Variants in SLA2 observed in about 807,000 individuals in gnomAD.
SLA2 encodes the protein Src like adaptor 2.
Under a neutral mutation model 27.3 loss-of-function variants are expected in SLA2, and 22 were observed. That is an observed-to-expected ratio of 0.81 (90% CI 0.58 to 1.15). The LOEUF is 1.15. Ranked by LOEUF, SLA2 falls within the 50% of genes most tolerant of loss-of-function variation. The pLI is 0.00. For missense variants in SLA2, 304 were observed against 322.2 expected, an observed-to-expected ratio of 0.94 and a Z score of 0.43; for synonymous variants, 131 against 137.8, an observed-to-expected ratio of 0.95 and a Z score of 0.34.
At chr20:36,643,453 G>A (rs1978285235) in intron 1 of SLA2, among the ~76,000 whole-genome samples, 1 of 152,200 alleles carries the variant, frequency 6.6e-6, no homozygotes, top group African/African-American at 2.4e-5. Flanking sequence ...TTACTCTGGA[G>A]GAGATCACTG....
At chr20:36,640,457 C>G (rs2039495049) in intron 2 of SLA2, among the ~76,000 whole-genome samples, 1 of 151,078 alleles carries the variant, frequency 6.6e-6, no homozygotes, top group Admixed American at 6.6e-5. Context: ...TGGTCACTTA[C>G]TACGTGTGCT....
At chr20:36,640,002 C>T (rs1322708239) in intron 2 of SLA2, among the ~76,000 whole-genome samples, 4 of 152,000 alleles carry the variant, frequency 2.6e-5, no homozygotes, top group Admixed American at 1.3e-4. Flanking sequence ...GCTATTTTTC[C>T]ACCATTAAGA....
intron 1 of SLA2, among the ~76,000 whole-genome samples, chr20:36,645,327 G>A (rs1423729947): frequency 1.3e-5 from 2 of 151,574 alleles, no homozygotes; most frequent in Non-Finnish European, 2.9e-5. Flanking sequence ...TAATTACGCC[G>A]CTGCACTCCA....
rs1214203521 is a variant in SLA2, at chr20:36,635,326, G to T, written c.92-737C>A. Among the ~76,000 whole-genome samples, 3 of 150,666 alleles carry T rather than the reference G, an allele frequency of 2.0e-5. No individual in the cohort carries two copies. The Admixed American group carries it at 2.0e-4, about 10-fold the overall frequency. ...CTTAGCACATAAACACATTAAGTAG[G>T]AGAAGCAGCCAGGGTCAGCAAGAAG... On this transcript the variant is annotated intron_variant, in intron 2 of 7. Coordinates refer to ENST00000262866, the MANE Select transcript of SLA2 (RefSeq NM_032214.4).
At chr20:36,639,396 T>TACACACACACAC (rs72401143) in intron 2 of SLA2, among the ~76,000 whole-genome samples, 1 of 146,742 alleles carries the variant, frequency 6.8e-6, no homozygotes, top group Admixed American at 6.9e-5. Flanking sequence ...AAAAAATCTC[T>TACACACACACAC]ACACACACAC....
chr20:36,632,151 A>G (rs1173984403), intron 5 of SLA2, among the ~76,000 whole-genome samples: 1 of 152,094 alleles, frequency 6.6e-6, no homozygotes, highest in Non-Finnish European at 1.5e-5. Context: ...GCCTTGGGAG[A>G]AAACCAAAGC....
chr20:36,625,942 T>C (rs899979513), intron 5 of SLA2, among the ~76,000 whole-genome samples: 5 of 150,810 alleles, frequency 3.3e-5, no homozygotes, highest in Non-Finnish European at 7.4e-5. Context: ...CTGGGCAACA[T>C]GGCCAAACCC....
intron 5 of SLA2, among the ~76,000 whole-genome samples, chr20:36,630,828 C>A (rs1207464488): frequency 6.6e-6 from 1 of 152,142 alleles, no homozygotes; most frequent in Non-Finnish European, 1.5e-5. Flanking sequence ...TTGCAAAAGA[C>A]CCTGCACCTG....
chr20:36,620,448 T>C, intron 5 of SLA2: 2 of 230,402 alleles, frequency 8.7e-6, no homozygotes, highest in South Asian at 5.6e-5. Flanking sequence ...CTGAAAAGTA[T>C]GGCAAGATTA....
At chr20:36,620,338 G>A (rs8113986) in intron 5 of SLA2, 5 of 155,872 alleles carry the variant, frequency 3.2e-5, no homozygotes, top group Admixed American at 1.3e-4. Flanking sequence ...CCGAGATTGC[G>A]CCACTGTACT....
At chr20:36,630,191 T>C (rs2039379938) in intron 5 of SLA2, among the ~76,000 whole-genome samples, 1 of 152,188 alleles carries the variant, frequency 6.6e-6, no homozygotes, top group Admixed American at 6.5e-5. Flanking sequence ...GGTTTCCTGT[T>C]TGCAGCTGCT....
chr20:36,618,765 G>T (rs2039243732), intron 5 of SLA2, among the ~76,000 whole-genome samples: 1 of 151,568 alleles, frequency 6.6e-6, no homozygotes, highest in South Asian at 2.1e-4. Flanking sequence ...AATTAGCTAG[G>T]TATGGTGGCA....
At chr20:36,621,453 T>A (rs6065130) in intron 5 of SLA2, 2 of 426,974 alleles carry the variant, frequency 4.7e-6, no homozygotes, top group East Asian at 5.8e-5. Context: ...TAGTGTTGTT[T>A]TTTTTTTGAG....
At chr20:36,636,337 C>T (rs1263566420) in intron 2 of SLA2, among the ~76,000 whole-genome samples, 2 of 147,176 alleles carry the variant, frequency 1.4e-5, no homozygotes, top group East Asian at 2.0e-4. Context: ...AGGAGAATGG[C>T]GTGAACCCGG....
intron 5 of SLA2, among the ~76,000 whole-genome samples, chr20:36,618,066 G>A (rs2039235436): frequency 6.7e-6 from 1 of 149,862 alleles, no homozygotes; most frequent in East Asian, 2.0e-4. Context: ...AGAATGGCGT[G>A]AACCCAGGAG....
chr20:36,624,034 A>C (rs779681289), intron 5 of SLA2, among the ~76,000 whole-genome samples: 2 of 152,128 alleles, frequency 1.3e-5, no homozygotes, highest in Non-Finnish European at 2.9e-5. Flanking sequence ...TGGTGGTCTC[A>C]GGGATAAAGA....
rs1314711233 is a variant in SLA2, at chr20:36,613,225, AAAG to A, written c.*638_*640del. On this transcript the variant is annotated 3_prime_UTR_variant, in exon 8 of 8. Transcript: ENST00000262866. ...ACAGGGCAAGACTCCGTCTCAAAAA[AAAG>A]AAAAAGAGCTGGGGCTGTTGTCCTC... 3 of 152,458 alleles carry A rather than the reference AAAG, an allele frequency of 2.0e-5. No homozygotes were observed. The South Asian group carries it at 6.2e-4, about 32-fold the overall frequency. The allele number at this position is 152,458 out of a possible 1,614,324, so 9.4% of individuals were successfully genotyped here.
Position 36,641,353 on chromosome 20 carries a change from C to T in SLA2, c.-18G>A. The T allele has an allele frequency of 6.2e-7, 1 of 1,605,240 alleles. No individual in the cohort carries two copies. Among genetic ancestry groups the T allele is most frequent in the Non-Finnish European group, 8.5e-7 (1 of 1,172,072 alleles). The stretch of plus-strand genomic sequence containing the variant: ...CTTCCCATTGTTCCTCAGCAGAGCA[C>T]TCAGAAGCACATCATCGAGGGAAAT... On this transcript the variant is annotated 5_prime_UTR_variant, in exon 2 of 8. The change creates a new upstream start codon in the 5' untranslated region. Coordinates refer to ENST00000262866, the MANE Select transcript of SLA2 (RefSeq NM_032214.4).
rs1001976873 is a variant in SLA2 at position 36,641,715 on chromosome 20, G to T, written c.-43-337C>A. Among the ~76,000 whole-genome samples, 7 of 152,002 alleles carry T rather than the reference G, an allele frequency of 4.6e-5. No individual in the cohort carries two copies. The East Asian group carries it at 1.4e-3, about 29-fold the overall frequency. On this transcript the variant is annotated intron_variant, in intron 1 of 7. Transcript: ENST00000262866. ...TCCCCAGGAAGCCTCCCAGCCCCTAGCCTTTGTTGATCACTCCTTTGAATT... is the reference window on the plus strand; with the variant it reads ...TCCCCAGGAAGCCTCCCAGCCCCTATCCTTTGTTGATCACTCCTTTGAATT...
Sources: gnomAD v4.1 joint callset for allele counts (sites outside exome capture counted in the v4.1 genomes callset) on GRCh38, gnomAD v4.1.1 for gene constraint, MANE v1.5 for transcripts, NCBI Gene and HGNC (gene_info 2026-07-23, HGNC 2026-07-21) for gene names.